The following PLA2G6 variants were observed in gnomAD, a reference collection of about 807,000 sequenced individuals.
PLA2G6 encodes the protein 85/88 kDa calcium-independent phospholipase A2.
In PLA2G6, 62 loss-of-function variants were observed where a neutral mutation model predicts 83.8. The ratio of observed to expected loss-of-function variants is 0.74; its 90% CI spans 0.60 to 0.91. PLA2G6 has a LOEUF of 0.91. PLA2G6 is among the 40% of genes least tolerant of loss of function. The pLI is 0.00. For synonymous variants in PLA2G6, 417 were observed against 449.8 expected, an observed-to-expected ratio of 0.93 and a Z score of 0.92; for missense variants, 944 against 1,102.0, an observed-to-expected ratio of 0.86 and a Z score of 2.03.
chr22:38,148,210 A>C, intron 2 of PLA2G6: 1 of 369,284 alleles, frequency 2.7e-6, no homozygotes, highest in Non-Finnish European at 5.1e-6. Flanking sequence ...GGGTTTAAGG[A>C]CACAATGTGA....
Position 38,169,412 on chromosome 22 carries a change from G to A in PLA2G6, c.15C>T (p.Gly5=). 6.2e-7 allele frequency: 1 copy of A among 1,614,150 alleles called. No individual in the cohort carries two copies. The highest frequency in any genetic ancestry group is 8.5e-7 in the Non-Finnish European group (1 of 1,179,992). Residue 5 remains glycine, a synonymous_variant, in exon 2 of 17, where the codon GGC becomes GGT. Transcript: ENST00000332509. ...CGCCACTGAAGGTATTGACCAGGCG[G>A]CCAAAGAACTGCATCTTCTGCGGGG... MQFF[G]RLVNTFSGVT...
chr22:38,134,244 C>A (rs5756922), intron 6 of PLA2G6: 1 of 152,374 alleles, frequency 6.6e-6, no homozygotes, highest in African/African-American at 2.4e-5. Flanking sequence ...ACCTTGTGAT[C>A]GTGTGAGTTA....
At chr22:38,120,964 C>G (rs576759811) in intron 11 of PLA2G6, 55 bp from the exon 12 acceptor site, 18 of 1,601,204 alleles carry the variant, frequency 1.1e-5, no homozygotes, top group Admixed American at 3.3e-5. Context: ...GCAGGGCTCC[C>G]GTAGAACAGC....
chr22:38,132,281 G>A lies in PLA2G6; in HGVS notation c.1077+550C>T. 1 of 342,618 alleles carries A rather than the reference G, an allele frequency of 2.9e-6. No homozygotes were observed. Among genetic ancestry groups the A allele is most frequent in the Non-Finnish European group, 5.8e-6 (1 of 173,822 alleles). The allele number at this position is 342,618 out of a possible 1,614,324, so 21.2% of individuals were successfully genotyped here. On this transcript the variant is annotated intron_variant, in intron 7 of 16. Coordinates refer to ENST00000332509, the MANE Select transcript of PLA2G6 (RefSeq NM_003560.4). The surrounding 1 kb of genome is among the most constrained non-coding windows in gnomAD (Gnocchi z 5.0). ...CGAATATGCCTGGCACCTGCCACAG[G>A]CTGCTGGGCTGCACACTCAGGCTTT...
intron 2 of PLA2G6, chr22:38,147,949 C>T (rs2089357745): frequency 6.2e-6 from 1 of 160,540 alleles, no homozygotes. Context: ...ATCAGTGTTA[C>T]AGAAACAACA....
intron 4 of PLA2G6, 166 bp downstream of exon 4, chr22:38,142,939 G>C: frequency 1.3e-6 from 1 of 753,588 alleles, no homozygotes; most frequent in South Asian, 1.4e-5. Context: ...GGCTGGGAGG[G>C]AAGAGCCAGG....
intron 1 of PLA2G6, among the ~76,000 whole-genome samples, chr22:38,176,535 T>A (rs1343107213): frequency 2.6e-5 from 4 of 152,128 alleles, no homozygotes; most frequent in Non-Finnish European, 5.9e-5. Context: ...AGCACCCTCC[T>A]CCCACCCAGT....
At chr22:38,112,825 A>C in intron 15 of PLA2G6, 1 of 590,022 alleles carries the variant, frequency 1.7e-6, no homozygotes, top group Middle Eastern at 4.5e-4. Context: ...GAGTGGGGGA[A>C]AGGGTAGCGG....
At chr22:38,162,208 C>CAAA (rs1162906670) in intron 2 of PLA2G6, among the ~76,000 whole-genome samples, 3 of 74,508 alleles carry the variant, frequency 4.0e-5, no homozygotes, top group African/African-American at 1.8e-4. Flanking sequence ...GACTCTGTGT[C>CAAA]AAAAAAAAAA....
At chr22:38,174,784 T>C (rs4381) in intron 1 of PLA2G6, among the ~76,000 whole-genome samples, 77,805 of 151,798 alleles carry the variant, frequency 0.51, 20,485 homozygotes, top group South Asian at 0.64. Flanking sequence ...GGGAAGGTGC[T>C]GAGAGGAGGG....
chr22:38,160,112 A>G (rs1237591747), intron 2 of PLA2G6, among the ~76,000 whole-genome samples: 1 of 152,224 alleles, frequency 6.6e-6, no homozygotes, highest in African/African-American at 2.4e-5. Context: ...GGATATCCAA[A>G]TGGTTAATCA....
intron 14 of PLA2G6, among the ~76,000 whole-genome samples, chr22:38,114,524 G>A (rs959244395): frequency 1.3e-4 from 20 of 152,298 alleles, no homozygotes; most frequent in African/African-American, 4.3e-4. Flanking sequence ...CTCTGCTGCC[G>A]ATTTGCTGGA....
In PLA2G6 at chr22:38,112,529, C is replaced by T. The variant is rs1296348337; in HGVS notation, c.2251G>A (p.Glu751Lys). The change falls in exon 16 of 17, where the codon GAG becomes AAG. Residue 751 changes from glutamate to lysine, a missense_variant. By Grantham distance (56) the Glu-to-Lys change is moderately conservative. Coordinates refer to ENST00000332509, the MANE Select transcript of PLA2G6 (RefSeq NM_003560.4). ...RAVDRARAWC[E>K]MVGIQYFRLN... ...CTGAAGTACTGGATGCCGACCATCT[C>T]GCACCAGGCCCGTGCCCGGTCCACA... 3 of 1,555,820 alleles carry T rather than the reference C, an allele frequency of 1.9e-6. No individual in the cohort carries two copies. The highest frequency in any genetic ancestry group is 1.4e-5 in the African/African-American group (1 of 73,148).
chr22:38,164,233 G>A (rs773803121), intron 2 of PLA2G6, among the ~76,000 whole-genome samples: 3 of 152,208 alleles, frequency 2.0e-5, no homozygotes, highest in Non-Finnish European at 2.9e-5. Context: ...GGAAGGGCCA[G>A]GATCAGCCCA....
At chr22:38,116,865 A>C (rs974749901) in intron 12 of PLA2G6, among the ~76,000 whole-genome samples, 1 of 150,944 alleles carries the variant, frequency 6.6e-6, no homozygotes, top group Admixed American at 6.6e-5. Flanking sequence ...AAAAAAAAAA[A>C]AAAAAAAAAA....
chr22:38,163,139 C>G (rs1362160470), intron 2 of PLA2G6, among the ~76,000 whole-genome samples: 1 of 152,168 alleles, frequency 6.6e-6, no homozygotes, highest in African/African-American at 2.4e-5. Flanking sequence ...ATGCCAAGGA[C>G]CCTCACGCTA....
At chr22:38,120,976 T>C in intron 11 of PLA2G6, 67 bp from the exon 12 acceptor site, 3 of 1,587,008 alleles carry the variant, frequency 1.9e-6, no homozygotes, top group Non-Finnish European at 1.7e-6. Flanking sequence ...TAGAACAGCC[T>C]GCAGAGCGCC....
intron 9 of PLA2G6, chr22:38,126,936 T>G: frequency 1.0e-6 from 1 of 957,810 alleles, no homozygotes; most frequent in Non-Finnish European, 1.3e-6. Context: ...CCTCGGGGTT[T>G]AAGTCCATGG....
chr22:38,171,356 A>C (rs2090433379), intron 1 of PLA2G6, among the ~76,000 whole-genome samples: 1 of 151,974 alleles, frequency 6.6e-6, no homozygotes, highest in Non-Finnish European at 1.5e-5. Context: ...TCCTCCTTAA[A>C]AATGTTTTTG....
Sources: allele counts gnomAD v4.1 joint callset (sites outside exome capture counted in the v4.1 genomes callset), GRCh38; gene constraint gnomAD v4.1.1; non-coding constraint Gnocchi (gnomAD v3.1); transcripts MANE v1.5; gene names NCBI Gene and HGNC (gene_info 2026-07-23, HGNC 2026-07-21).